The following TBC1D1 variants were observed in gnomAD, a reference collection of about 807,000 sequenced individuals.
TBC1D1 encodes the protein TBC1 domain family member 1.
TBC1D1 carries 89 observed loss-of-function variants against 125.6 expected under a neutral mutation model. That is an observed-to-expected ratio of 0.71 (90% CI 0.60 to 0.85). The LOEUF (loss-of-function observed/expected upper bound fraction) is 0.85. Ranked by LOEUF, TBC1D1 falls within the 40% of genes least tolerant of loss-of-function variation. The probability of loss-of-function intolerance (pLI) is 0.00; values close to 1 mark genes in which losing one functional copy is unlikely to be tolerated. For synonymous variants in TBC1D1, 565 were observed against 564.1 expected (o/e 1.00, Z -0.02); for missense variants, 1,377 against 1,469.2 (o/e 0.94, Z 1.03).
chr4:38,116,082 G>A, intron 16 of TBC1D1, 128 bp downstream of exon 18: 1 of 1,004,704 alleles, frequency 1.0e-6, no homozygotes, highest in Non-Finnish European at 1.5e-6. Flanking sequence ...GCTGATAAAG[G>A]ACTCTGTGCT....
chr4:37,996,695 C>G (rs1459499774), intron 2 of TBC1D1, among the ~76,000 whole-genome samples: 1 of 152,222 alleles, frequency 6.6e-6, no homozygotes, highest in East Asian at 1.9e-4. Flanking sequence ...TGTGATTGAG[C>G]CTGGCACTCA....
intron 2 of TBC1D1, among the ~76,000 whole-genome samples, chr4:37,921,109 CAAAAAAAAAAA>C (rs1188232681): frequency 1.4e-5 from 1 of 71,988 alleles, no homozygotes. Context: ...GACTCCGTCT[CAAAAAAAAAAA>C]AAAAAAAAAA....
chr4:38,049,794 C>A lies in TBC1D1; in HGVS notation c.1806C>A (p.Ile602=), dbSNP rs762271509. ...CAAACACCCTGAGTCACTTCCCCAT[C>A]GAATGCCAGGAACCTCCACAACCTG... Residue 602 remains isoleucine, a synonymous_variant, in exon 11 of 20, where the codon ATC becomes ATA. Coordinates refer to ENST00000261439, the MANE Select transcript of TBC1D1 (RefSeq NM_015173.4). 1.2e-5 allele frequency: 20 copies of A among 1,614,062 alleles called. No homozygotes were observed. The highest frequency in any genetic ancestry group is 1.6e-5 in the Non-Finnish European group (19 of 1,180,038).
At chr4:38,108,584 A>G (rs1050901511) in intron 15 of TBC1D1, among the ~76,000 whole-genome samples, 1 of 152,222 alleles carries the variant, frequency 6.6e-6, no homozygotes, top group Non-Finnish European at 1.5e-5. Flanking sequence ...CATCAGGGAT[A>G]CCAGACATGT....
intron 11 of TBC1D1, among the ~76,000 whole-genome samples, chr4:38,050,267 C>G (rs73810092): frequency 0.067 from 10,204 of 152,234 alleles, 1,159 homozygotes; most frequent in African/African-American, 0.23. Flanking sequence ...GGGAGAGGCG[C>G]TGATCCTTAC....
chr4:38,050,514 G>T, intron 11 of TBC1D1, among the ~76,000 whole-genome samples: 1 of 152,220 alleles, frequency 6.6e-6, no homozygotes, highest in Non-Finnish European at 1.5e-5. Flanking sequence ...TCTGGTTATG[G>T]AGAAGAGTAA....
In TBC1D1 at chr4:38,137,530, T is replaced by C; in HGVS notation, c.*195T>C. The C allele has an allele frequency of 1.3e-6, 1 of 743,528 alleles. No homozygotes were observed. The highest frequency in any genetic ancestry group is 1.9e-6 in the Non-Finnish European group (1 of 525,468). The allele number at this position is 743,528 out of a possible 1,614,324, so 46.1% of individuals were successfully genotyped here. A position where few individuals can be genotyped will look rare whatever the true frequency, so the allele number is the denominator to read the frequency against. ...TGTCCCAGTGTTTTTTTTGTTGTTT[T>C]TAGATACTAAATCGTCCCTTCTCCA... is the stretch of plus-strand genomic sequence containing the variant. On this transcript the variant is annotated 3_prime_UTR_variant, in exon 20 of 20. Coordinates refer to ENST00000261439, the MANE Select transcript of TBC1D1 (RefSeq NM_015173.4).
At chr4:37,953,531 G>A (rs1346727999) in intron 2 of TBC1D1, among the ~76,000 whole-genome samples, 1 of 152,100 alleles carries the variant, frequency 6.6e-6, no homozygotes, top group Non-Finnish European at 1.5e-5. Flanking sequence ...TTAAGCTTGA[G>A]GTATTTTAAA....
rs1750674721 is a variant in TBC1D1 at position 38,052,131 on chromosome 4, T to C, written c.1911-2068T>C. 9.5e-6 allele frequency: 14 copies of C among 1,473,026 alleles called. No individual in the cohort carries two copies. The South Asian group carries it at 1.4e-4, about 14-fold the overall frequency. The allele number at this position is 1,473,026 out of a possible 1,614,324, so 91.2% of individuals were successfully genotyped here. ...GGAGTTCACACTGATGAGGATGTGC[T>C]GAATGGGGGGAATGTCCATGCAGGA... On this transcript the variant is annotated intron_variant, in intron 11 of 19. Transcript: ENST00000261439.
intron 10 of TBC1D1, among the ~76,000 whole-genome samples, chr4:38,049,163 G>A (rs1337129213): frequency 2.0e-5 from 3 of 152,142 alleles, no homozygotes; most frequent in Admixed American, 1.3e-4. Context: ...TTATGAAGTC[G>A]AATCTCAACA....
chr4:38,015,033 C>G, intron 3 of TBC1D1, 60 bp downstream of exon 3: 3 of 1,407,098 alleles, frequency 2.1e-6, no homozygotes, highest in Non-Finnish European at 2.9e-6. Flanking sequence ...AAGAGAAAAT[C>G]TGCTTTATGG....
In TBC1D1 at chr4:38,014,871, C is replaced by G; in HGVS notation, c.780C>G (p.Phe260Leu). 1 of 1,609,684 alleles carries G rather than the reference C, an allele frequency of 6.2e-7. No individual in the cohort carries two copies. Among genetic ancestry groups the G allele is most frequent in the Non-Finnish European group, 8.5e-7 (1 of 1,177,226 alleles). ...ATGGGGGCCTCCGAAGCAGCGGCTTCTTCAGCTCCTTCGAGGAGAGCGACA... is the reference window on the plus strand; with the variant it reads ...ATGGGGGCCTCCGAAGCAGCGGCTTGTTCAGCTCCTTCGAGGAGAGCGACA... Residue 260 changes from phenylalanine (F) to leucine (L), a missense_variant, in exon 3 of 20, where the codon TTC becomes TTG. Phe to Leu is a conservative substitution (Grantham distance 22). Coordinates refer to ENST00000261439, the MANE Select transcript of TBC1D1 (RefSeq NM_015173.4). This position sits in a 1 kb window ranked among gnomAD's most constrained non-coding sequence, Gnocchi z 5.1.
chr4:38,021,529 C>T (rs115621042), intron 5 of TBC1D1, 57 bp from the exon 6 acceptor site: 86 of 1,422,928 alleles, frequency 6.0e-5, no homozygotes, highest in Non-Finnish European at 7.2e-5. Flanking sequence ...GACATCTCAG[C>T]CCAGCTAATT....
In TBC1D1 at chr4:38,103,791, A is replaced by T. The variant is rs139745916; in HGVS notation, c.2557+634A>T. On this transcript the variant is annotated intron_variant, in intron 15 of 19. Coordinates refer to ENST00000261439, the MANE Select transcript of TBC1D1 (RefSeq NM_015173.4). ...AAAACTAAACAATAATATAGATTTT[A>T]AAATATAGTAACTATCTATGTAGAA... Among the ~76,000 whole-genome samples, 1,070 of 152,354 alleles carry T rather than the reference A, an allele frequency of 7.0e-3. 15 individuals are homozygous for T. Among genetic ancestry groups the T allele is most frequent in the African/African-American group, 0.025 (1,029 of 41,582 alleles).
rs200727508 is a variant in TBC1D1 at position 37,960,713 on chromosome 4, G to A, written c.418-53796G>A. ...AGCCAAGCTTTTCTGCCAAAAAGAT[G>A]ACCGAGAAGACTGTTAAAACAAAAA... On this transcript the variant is annotated intron_variant, in intron 2 of 19. Transcript: ENST00000261439. 1.4e-4 allele frequency: 228 copies of A among 1,614,046 alleles called. No homozygotes were observed. The highest frequency in any genetic ancestry group is 6.6e-4 in the Middle Eastern group (4 of 6,084).
rs1750099780 is a variant in TBC1D1 at position 38,049,606 on chromosome 4, G to T, written c.1630-12G>T. 1.3e-6 allele frequency: 2 copies of T among 1,594,984 alleles called. No homozygotes were observed. Among genetic ancestry groups the T allele is most frequent in the Non-Finnish European group, 1.7e-6 (2 of 1,169,814 alleles). On this transcript the variant is annotated splice_polypyrimidine_tract_variant and intron_variant, in intron 10 of 19. Transcript: ENST00000261439. ...CCATGGTGTGTCTGATCTGCTGTGT[G>T]TTTGCTCCCAGGAGCCATCTGTGTG...
intron 8 of TBC1D1, among the ~76,000 whole-genome samples, chr4:38,040,717 G>C (rs1000172001): frequency 6.6e-6 from 1 of 152,208 alleles, no homozygotes; most frequent in Admixed American, 6.5e-5. Context: ...GCCCCTGGGA[G>C]CCCTTTGTGG....
chr4:38,030,931 C>T (rs930731133), intron 7 of TBC1D1, among the ~76,000 whole-genome samples: 1 of 152,162 alleles, frequency 6.6e-6, no homozygotes, highest in African/African-American at 2.4e-5. Flanking sequence ...ACTGTGTAAA[C>T]GATGCTGGAG....
Position 37,963,192 on chromosome 4 carries a change from G to A in TBC1D1, c.418-51317G>A, listed in dbSNP as rs562932794. 1.4e-3 allele frequency among the ~76,000 whole-genome samples: 210 copies of A among 152,236 alleles called. 2 individuals are homozygous for A. Among genetic ancestry groups the A allele is most frequent in the Non-Finnish European group, 1.1e-3 (76 of 68,004 alleles). On this transcript the variant is annotated intron_variant, in intron 2 of 19. Transcript: ENST00000261439. Reference sequence around the variant, plus strand: ...TACAGTATTAGGCCATTCTTGCATCGCTATAAAGAAATACCTGAGACTGGG... The same window carrying A: ...TACAGTATTAGGCCATTCTTGCATCACTATAAAGAAATACCTGAGACTGGG...
Sources: allele counts gnomAD v4.1 joint callset (sites outside exome capture counted in the v4.1 genomes callset), GRCh38; gene constraint gnomAD v4.1.1; non-coding constraint Gnocchi (gnomAD v3.1); transcripts MANE v1.5; gene names NCBI Gene and HGNC (gene_info 2026-07-23, HGNC 2026-07-21).